LPIN1: variants seen among roughly 807,000 people sequenced by gnomAD.
LPIN1 encodes lipin 1.
A neutral mutation model predicts 107.5 loss-of-function variants in LPIN1; 71 were observed. That is an observed-to-expected ratio of 0.66 (90% CI 0.55 to 0.80). The LOEUF is 0.80. Among genes scored for constraint, LPIN1 ranks in the 30% least tolerant of loss-of-function variants. The pLI is 0.00. For missense variants in LPIN1, 1,043 were observed against 1,160.6 expected (o/e 0.90, Z 1.47); for synonymous variants, 445 against 452.6 (o/e 0.98, Z 0.21).
chr2:11,759,123 G>GCTTT (rs1423504538), intron 1 of LPIN1, among the ~76,000 whole-genome samples: 1 of 146,760 alleles, frequency 6.8e-6, no homozygotes, highest in Non-Finnish European at 1.5e-5. Flanking sequence ...TAGCTAGCTT[G>GCTTT]CTTTCTTTCT....
intron 3 of LPIN1, among the ~76,000 whole-genome samples, chr2:11,768,893 G>A (rs1438577197): frequency 2.0e-5 from 3 of 151,972 alleles, no homozygotes; most frequent in Admixed American, 6.6e-5. Context: ...CCGAGATCGC[G>A]CCACTGCACT....
At chr2:11,773,250 GT>G (rs1672146947) in intron 4 of LPIN1, among the ~76,000 whole-genome samples, 1 of 152,232 alleles carries the variant, frequency 6.6e-6, no homozygotes, top group South Asian at 2.1e-4. Context: ...CCTGGCAGGG[GT>G]TTTATACCGC....
chr2:11,690,805 C>A (rs1408391451), intron 1 of LPIN1, among the ~76,000 whole-genome samples: 3 of 151,866 alleles, frequency 2.0e-5, no homozygotes, highest in African/African-American at 4.8e-5. Flanking sequence ...CTAATAGATT[C>A]TTTTCCTTTA....
At chr2:11,798,395 T>A (rs892705699) in intron 14 of LPIN1, among the ~76,000 whole-genome samples, 1 of 152,180 alleles carries the variant, frequency 6.6e-6, no homozygotes, top group Non-Finnish European at 1.5e-5. Context: ...GCACTGCTCT[T>A]ACTCTTACTC....
At chr2:11,800,799 G>A (rs1344822248) in intron 14 of LPIN1, among the ~76,000 whole-genome samples, 2 of 152,212 alleles carry the variant, frequency 1.3e-5, no homozygotes, top group Non-Finnish European at 2.9e-5. Flanking sequence ...CTTCTCTTAT[G>A]AAATTCAGAT....
At chr2:11,734,645 A>G (rs62113298) in intron 1 of LPIN1, among the ~76,000 whole-genome samples, 42,555 of 152,078 alleles carry the variant, frequency 0.28, 8,882 homozygotes, top group African/African-American at 0.59. Flanking sequence ...TGGAAGGTAG[A>G]AGATGGGGTG....
rs1298801593 is a variant in LPIN1 at position 11,788,328 on chromosome 2, G to A, written c.1644-59G>A. The A allele has an allele frequency of 2.4e-5, 32 of 1,327,058 alleles. No individual in the cohort carries two copies. In the East Asian group the frequency reaches 7.4e-4, roughly 31 times the overall value. The allele number at this position is 1,327,058 out of a possible 1,614,324, so 82.2% of individuals were successfully genotyped here. On this transcript the variant is annotated intron_variant, in intron 11 of 20. Transcript: ENST00000674199. ...TTCCTTGACTACTTTATATGACATT[G>A]GAAAGGTTTTCAGTCTGAGCCTCGG...
At chr2:11,686,174 A>G (rs922449634) in intron 1 of LPIN1, among the ~76,000 whole-genome samples, 2 of 152,236 alleles carry the variant, frequency 1.3e-5, no homozygotes, top group African/African-American at 4.8e-5. Flanking sequence ...TGCAGGAATG[A>G]AATGACCAGG....
rs1310610047 is a variant in LPIN1 at position 11,771,805 on chromosome 2, C to T, written c.596+126C>T. The T allele has an allele frequency of 1.9e-6, 2 of 1,037,228 alleles. No homozygotes were observed. The highest frequency in any genetic ancestry group is 1.6e-5 in the South Asian group (1 of 60,848). The allele number at this position is 1,037,228 out of a possible 1,614,324, so 64.3% of individuals were successfully genotyped here. On this transcript the variant is annotated intron_variant, in intron 4 of 20. Transcript: ENST00000674199. This position sits in a 1 kb window ranked among gnomAD's most constrained non-coding sequence, Gnocchi z 4.8. ...TGTGTTTTAGACCAGTGGTCCCCAACCTTTTTGGCACTAGGGACCAGTTTT... is the reference window on the plus strand; with the variant it reads ...TGTGTTTTAGACCAGTGGTCCCCAATCTTTTTGGCACTAGGGACCAGTTTT...
intron 18 of LPIN1, chr2:11,818,978 A>C (rs2148730590): frequency 6.5e-6 from 1 of 153,228 alleles, no homozygotes; most frequent in East Asian, 1.9e-4. Flanking sequence ...TTTAAATATT[A>C]AATTACTATT....
intron 1 of LPIN1, among the ~76,000 whole-genome samples, chr2:11,750,634 G>A (rs1278691722): frequency 1.3e-5 from 2 of 152,200 alleles, no homozygotes; most frequent in Non-Finnish European, 2.9e-5. Context: ...CCTCACAACA[G>A]TCCTATGAGG....
chr2:11,804,768 A>G (rs901834824), intron 16 of LPIN1, among the ~76,000 whole-genome samples, 197 bp downstream of exon 16: 5 of 152,066 alleles, frequency 3.3e-5, no homozygotes, highest in African/African-American at 1.2e-4. Flanking sequence ...CTTCTGGGGT[A>G]TTATTATCTC....
intron 1 of LPIN1, among the ~76,000 whole-genome samples, chr2:11,737,071 G>A (rs1205111682): frequency 1.3e-5 from 2 of 152,238 alleles, no homozygotes; most frequent in African/African-American, 4.8e-5. Flanking sequence ...CAGATTAGAA[G>A]TGAGGGTGTG....
chr2:11,732,458 C>T (rs1035284708), intron 1 of LPIN1, among the ~76,000 whole-genome samples: 1 of 152,164 alleles, frequency 6.6e-6, no homozygotes, highest in Non-Finnish European at 1.5e-5. Flanking sequence ...GCTTTATTCC[C>T]AGCTGTCTTT....
intron 1 of LPIN1, among the ~76,000 whole-genome samples, chr2:11,678,819 G>A (rs1039820048): frequency 1.4e-4 from 21 of 152,194 alleles, no homozygotes; most frequent in African/African-American, 4.3e-4. Context: ...TGAATGGACC[G>A]GAGGCCTGCA....
At chr2:11,788,315 T>C (rs1001490919) in intron 11 of LPIN1, 72 bp from the exon 12 acceptor site, 8 of 1,211,764 alleles carry the variant, frequency 6.6e-6, no homozygotes, top group African/African-American at 3.0e-5. Context: ...CCTTGACTAC[T>C]TTATATGACA....
intron 13 of LPIN1, among the ~76,000 whole-genome samples, chr2:11,794,611 C>T (rs900896180): frequency 1.3e-5 from 2 of 151,358 alleles, no homozygotes; most frequent in South Asian, 4.2e-4. Context: ...ATTAAAGGAC[C>T]GTAGATTTCC....
chr2:11,813,957 C>T (rs185497556), intron 17 of LPIN1, among the ~76,000 whole-genome samples: 209 of 152,050 alleles, frequency 1.4e-3, no homozygotes, highest in Non-Finnish European at 2.5e-3. Context: ...GACCTGCTAA[C>T]GCAATAAAGT....
At chr2:11,763,987 G>GTGTGTGTGTGTGTA (rs1359205019) in intron 1 of LPIN1, among the ~76,000 whole-genome samples, 10 of 132,926 alleles carry the variant, frequency 7.5e-5, no homozygotes, top group African/African-American at 3.1e-4. Flanking sequence ...GTGTGTGTGT[G>GTGTGTGTGTGTGTA]TATATATATA....
Sources: gnomAD v4.1 joint callset for allele counts (sites outside exome capture counted in the v4.1 genomes callset) on GRCh38, gnomAD v4.1.1 for gene constraint, Gnocchi (gnomAD v3.1) non-coding constraint, MANE v1.5 for transcripts, NCBI Gene and HGNC (gene_info 2026-07-23, HGNC 2026-07-21) for gene names.